FAM83C: variants seen among roughly 807,000 people sequenced by gnomAD.
The protein encoded by FAM83C is scaffolding CK1 anchoring protein C, also known as protein FAM83C.
In FAM83C, 23 loss-of-function variants were observed where a neutral mutation model predicts 27.1. That is an observed-to-expected ratio of 0.85 (90% CI 0.61 to 1.20). FAM83C has a LOEUF of 1.20. Among genes scored for constraint, FAM83C ranks in the 50% most tolerant of loss-of-function variants. The pLI is 0.00. For synonymous variants in FAM83C, 426 were observed against 423.1 expected (o/e 1.01, Z -0.09); for missense variants, 984 against 1,001.3 (o/e 0.98, Z 0.23).
chr20:35,286,355 G>A lies in FAM83C; in HGVS notation c.*180C>T. ...TAGATTCAAGAAGATACTAGTTAGG[G>A]TGTGTGTGTGTGTGTGTGTGTGTGT... On this transcript the variant is annotated 3_prime_UTR_variant, in exon 4 of 4. Coordinates refer to ENST00000374408, the MANE Select transcript of FAM83C (RefSeq NM_178468.6). 6 of 273,766 alleles carry A rather than the reference G, an allele frequency of 2.2e-5. No homozygotes were observed. Among genetic ancestry groups the A allele is most frequent in the South Asian group, 2.2e-4 (5 of 23,224 alleles). 17.0% of individuals were successfully genotyped at this position (273,766 alleles called of 1,614,324 possible). A position where few individuals can be genotyped will look rare whatever the true frequency, so the allele number is the denominator to read the frequency against.
chr20:35,291,764 A>G (rs371573781), intron 1 of FAM83C, 28 bp downstream of exon 1: 4 of 1,612,484 alleles, frequency 2.5e-6, no homozygotes, highest in Non-Finnish European at 3.4e-6. Context: ...CCTCTGTGAG[A>G]TGAGTGATGG....
In FAM83C at chr20:35,286,871, G is replaced by A. The variant is rs1384904891; in HGVS notation, c.1908C>T (p.Asp636=). Residue 636 remains aspartate, a synonymous_variant, in exon 4 of 4, where the codon GAC becomes GAT. Transcript: ENST00000374408. ...RRQTLGHSQL[D]LITKFGPFRG... ...GGAATGGGCCGAACTTTGTGATGAG[G>A]TCCAGCTGGCTGTGCCCCAGGGTCT... The A allele has an allele frequency of 8.1e-6, 13 of 1,614,226 alleles. No homozygotes were observed. Among genetic ancestry groups the A allele is most frequent in the Non-Finnish European group, 1.1e-5 (13 of 1,180,044 alleles).
Position 35,287,828 on chromosome 20 carries a change from C to G in FAM83C, c.951G>C (p.Leu317=), listed in dbSNP as rs150172002. Residue 317 remains leucine, a synonymous_variant, in exon 4 of 4, where the codon CTG becomes CTC. Coordinates refer to ENST00000374408, the MANE Select transcript of FAM83C (RefSeq NM_178468.6). ...VEGFCGGEDP[L]SPRALRPPPV... ...GGGGAGGACGCAGTGCCCGGGGAGA[C>G]AGCGGGTCCTCACCGCCACAGAAGC... 4.0e-4 allele frequency: 632 copies of G among 1,575,044 alleles called. 3 individuals carry two copies. The African/African-American group carries it at 7.6e-3, about 19-fold the overall frequency.
rs771679425 is a variant in FAM83C, at chr20:35,288,762, C to T, written c.681+29G>A. On this transcript the variant is annotated intron_variant, in intron 2 of 3. Coordinates refer to ENST00000374408, the MANE Select transcript of FAM83C (RefSeq NM_178468.6). Reference sequence around the variant, plus strand: ...CCCTCCCTGACTCCCCGCCCACACCCCTGGTTACTGCCCCTGGTCCTCACT... The same window carrying T: ...CCCTCCCTGACTCCCCGCCCACACCTCTGGTTACTGCCCCTGGTCCTCACT... 6 of 1,589,234 alleles carry T rather than the reference C, an allele frequency of 3.8e-6. No homozygotes were observed. In the East Asian group the frequency reaches 9.0e-5, roughly 24 times the overall value.
intron 1 of FAM83C, 42 bp from the exon 2 acceptor site, chr20:35,289,000 G>A: frequency 1.3e-6 from 2 of 1,590,110 alleles, no homozygotes; most frequent in Non-Finnish European, 8.6e-7. Context: ...GCTGCCCAGG[G>A]CACTCCCCAC....
Position 35,286,385 on chromosome 20 carries a change from G to GTATGTA in FAM83C, c.*149_*150insTACATA, listed in dbSNP as rs1555798789. 12 of 573,566 alleles carry GTATGTA rather than the reference G, an allele frequency of 2.1e-5. No individual in the cohort carries two copies. Among genetic ancestry groups the GTATGTA allele is most frequent in the Non-Finnish European group, 3.0e-5 (10 of 330,784 alleles). The allele number at this position is 573,566 out of a possible 1,614,324, so 35.5% of individuals were successfully genotyped here. A position where few individuals can be genotyped will look rare whatever the true frequency, so the allele number is the denominator to read the frequency against. On this transcript the variant is annotated 3_prime_UTR_variant, in exon 4 of 4. Transcript: ENST00000374408. ...TGTGTGTGTGTGTGTGTGTGTGTGTGTACACAAGAATCTTGAGCCCAGAGA... is the reference window on the plus strand; with the variant it reads ...TGTGTGTGTGTGTGTGTGTGTGTGTGTATGTATACACAAGAATCTTGAGCCCAGAGA...
At chr20:35,289,288 G>A (rs1234205504) in intron 1 of FAM83C, among the ~76,000 whole-genome samples, 1 of 151,764 alleles carries the variant, frequency 6.6e-6, no homozygotes, top group Non-Finnish European at 1.5e-5. Context: ...TCCCAACTCA[G>A]CCTCCCAAGT....
At position 35,291,837 on chromosome 20, in the gene FAM83C, C is replaced by T. The variant is rs772399074; in HGVS notation, c.468G>A (p.Lys156=). ...GGAAGCGCAGCAGGTCCTTGATGTTCTTGGCCTTGTCCCTCTGGAAGTGGA... is the reference window on the plus strand; with the variant it reads ...GGAAGCGCAGCAGGTCCTTGATGTTTTTGGCCTTGTCCCTCTGGAAGTGGA... ...AVVHFQRDKA[K]NIKDLLRFLF... Residue 156 remains lysine, a synonymous_variant, in exon 1 of 4, where the codon AAG becomes AAA. Transcript: ENST00000374408. The T allele has an allele frequency of 6.2e-7, 1 of 1,614,182 alleles. No homozygotes were observed. Among genetic ancestry groups the T allele is most frequent in the East Asian group, 2.2e-5 (1 of 44,888 alleles).
intron 1 of FAM83C, among the ~76,000 whole-genome samples, chr20:35,289,315 A>G (rs2060839746): frequency 6.6e-6 from 1 of 151,518 alleles, no homozygotes; most frequent in Non-Finnish European, 1.5e-5. Context: ...TATTATAGGC[A>G]TGTGCCACTA....
chr20:35,287,212 G>T lies in FAM83C; in HGVS notation c.1567C>A (p.Pro523Thr), dbSNP rs1382304631. The change falls in exon 4 of 4, where the codon CCT becomes ACT. Residue 523 changes from proline (P) to threonine (T), a missense_variant. Pro to Thr is a conservative substitution (Grantham distance 38, BLOSUM62 -1). Coordinates refer to ENST00000374408, the MANE Select transcript of FAM83C (RefSeq NM_178468.6). ...PFPRAREVGD[P>T]DSGVTPNSGP... ...GAGTTGGGGGTAACCCCAGAGTCAG[G>T]GTCTCCCACTTCTCGGGCTCTGGGG... 6.2e-7 allele frequency: 1 copy of T among 1,612,110 alleles called. No individual in the cohort carries two copies. Among genetic ancestry groups the T allele is most frequent in the Non-Finnish European group, 8.5e-7 (1 of 1,179,956 alleles).
In FAM83C at chr20:35,286,815, G is replaced by A. The variant is rs1946269837; in HGVS notation, c.1964C>T (p.Pro655Leu). 25 of 1,613,858 alleles carry A rather than the reference G, an allele frequency of 1.5e-5. No individual in the cohort carries two copies. Among genetic ancestry groups the A allele is most frequent in the African/African-American group, 4.0e-5 (3 of 74,862 alleles). ...AGCCGTGCGAGCAGGGCTTGATATCGGGAGACCATTGGGCCCAGGCCCCTC... is the reference window on the plus strand; with the variant it reads ...AGCCGTGCGAGCAGGGCTTGATATCAGGAGACCATTGGGCCCAGGCCCCTC... Reference protein sequence around the residue: ...RGEGPGPNGLPISSPARTAGA... With the variant: ...RGEGPGPNGLLISSPARTAGA... The change falls in exon 4 of 4, where the codon CCG (proline) becomes CTG (leucine). Residue 655 changes from proline (P) to leucine (L), a missense_variant. By Grantham distance (98) the Pro-to-Leu change is moderately conservative. Transcript: ENST00000374408.
chr20:35,290,879 C>T (rs1350199531), intron 1 of FAM83C, among the ~76,000 whole-genome samples: 5 of 152,152 alleles, frequency 3.3e-5, no homozygotes, highest in Admixed American at 6.5e-5. Flanking sequence ...CTGGAAGTAC[C>T]GGTGGGATCC....
At chr20:35,290,496 TA>T (rs1180531403) in intron 1 of FAM83C, among the ~76,000 whole-genome samples, 1 of 152,174 alleles carries the variant, frequency 6.6e-6, no homozygotes, top group African/African-American at 2.4e-5. Context: ...GAGATAATGA[TA>T]GCCATGTCTC....
chr20:35,288,113 A>G (rs1212596430), intron 3 of FAM83C, 141 bp from the exon 4 acceptor site: 2 of 789,194 alleles, frequency 2.5e-6, no homozygotes, highest in African/African-American at 1.7e-5. Context: ...CGAGGGGCAG[A>G]GCTCCAACTC....
chr20:35,288,043 AG>A, intron 3 of FAM83C, 71 bp from the exon 4 acceptor site: 1 of 1,339,244 alleles, frequency 7.5e-7, no homozygotes. Context: ...AGTCACAGCC[AG>A]GGGTGCATAC....
At chr20:35,290,028 C>T (rs1165956246) in intron 1 of FAM83C, among the ~76,000 whole-genome samples, 1 of 152,218 alleles carries the variant, frequency 6.6e-6, no homozygotes, top group Non-Finnish European at 1.5e-5. Context: ...AGGCTCCCTT[C>T]TCCAGGGTCA....
Position 35,292,210 on chromosome 20 carries a change from C to A in FAM83C, c.95G>T (p.Arg32Leu), listed in dbSNP as rs1278380332. The A allele has an allele frequency of 4.4e-6, 7 of 1,592,174 alleles. No homozygotes were observed. Among genetic ancestry groups the A allele is most frequent in the Non-Finnish European group, 5.9e-6 (7 of 1,177,322 alleles). The change falls in exon 1 of 4, where the codon CGG (arginine) becomes CTG (leucine). Residue 32 changes from arginine to leucine, a missense_variant. Transcript: ENST00000374408. ...CCGCAGCACCAGCGGTGAGCTCTCC[C>A]GCCACCACGGCAGCTTCAGCTCTTC... The part of the protein sequence containing the change: ...RVEELKLPWW[R>L]ESSPLVLRHS...
rs370068666 is a variant in FAM83C, at chr20:35,292,299, G to A, written c.6C>T (p.Phe2=). M[F]GGPGPGVLGA... ...CCAGGACCCCAGGCCCCGGGCCTCC[G>A]AACATGCCTGCCACGCGGCTGCCTC... The change falls in exon 1 of 4, where the codon TTC becomes TTT. Residue 2 remains phenylalanine (F), a synonymous_variant. Coordinates refer to ENST00000374408, the MANE Select transcript of FAM83C (RefSeq NM_178468.6). The A allele has an allele frequency of 7.4e-5, 112 of 1,508,736 alleles. No homozygotes were observed. Among genetic ancestry groups the A allele is most frequent in the East Asian group, 6.8e-4 (28 of 41,096 alleles). 93.5% of individuals were successfully genotyped at this position (1,508,736 alleles called of 1,614,324 possible).
intron 1 of FAM83C, 117 bp downstream of exon 1, chr20:35,291,675 A>G (rs2425050): frequency 0.23 from 311,508 of 1,337,802 alleles, 38,027 homozygotes; most frequent in South Asian, 0.36. Context: ...ATAGTGCCAG[A>G]GGTGCTGGTC....
Sources: allele counts gnomAD v4.1 joint callset (sites outside exome capture counted in the v4.1 genomes callset), GRCh38; gene constraint gnomAD v4.1.1; transcripts MANE v1.5; gene names NCBI Gene and HGNC (gene_info 2026-07-23, HGNC 2026-07-21).